Variants in GNB3 observed in about 807,000 individuals in gnomAD.
GNB3 encodes the protein G protein subunit beta 3, also known as guanine nucleotide-binding protein G(I)/G(S)/G(T) subunit beta-3.
Under a neutral mutation model 41.2 loss-of-function variants are expected in GNB3, and 33 were observed. The ratio of observed to expected loss-of-function variants is 0.80; its 90% confidence interval spans 0.61 to 1.07. The LOEUF (loss-of-function observed/expected upper bound fraction) is 1.07, where lower values mean the gene tolerates loss of function less well. GNB3 is among the 50% of genes least tolerant of loss of function. The pLI is 0.00. For synonymous variants in GNB3, 172 were observed against 173.4 expected, an observed-to-expected ratio of 0.99 and a Z score of 0.06; for missense variants, 409 against 455.3, an observed-to-expected ratio of 0.90 and a Z score of 0.92.
In GNB3 at chr12:6,843,677, C is replaced by T. The variant is rs1943619955; in HGVS notation, c.476C>T (p.Thr159Ile). The change falls in exon 7 of 10, where the codon ACC becomes ATC. Residue 159 changes from threonine to isoleucine, a missense_variant. By Grantham distance (89) the Thr-to-Ile change is moderately conservative (BLOSUM62 -1). Transcript: ENST00000229264. The surrounding 1 kb of genome is among the most constrained non-coding windows in gnomAD (Gnocchi z 5.9). ...TTCCTGGATGACAACAATATTGTGA[C>T]CAGCTCGGGGGACACCACGTGGTGA... ...CRFLDDNNIVTSSGDTTCALW... is the reference protein window; with the variant it reads ...CRFLDDNNIVISSGDTTCALW... 1.2e-6 allele frequency: 2 copies of T among 1,614,158 alleles called. No homozygotes were observed. Among genetic ancestry groups the T allele is most frequent in the Non-Finnish European group, 1.7e-6 (2 of 1,179,998 alleles).
At chr12:6,842,741 C>T (rs1943595795) in intron 3 of GNB3, among the ~76,000 whole-genome samples, 1 of 152,236 alleles carries the variant, frequency 6.6e-6, no homozygotes, top group South Asian at 2.1e-4. Context: ...TCCTCACCAA[C>T]ACTGGAGAGG....
chr12:6,841,617 T>A lies in GNB3; in HGVS notation c.89T>A (p.Leu30Gln), dbSNP rs1555123391. ...DARKACADVT[L>Q]AELVSGLEVV... ...AGGAAAGCCTGTGCTGACGTTACTC[T>A]GGCAGAGGTAAGACCCCCTGTCCCC... is the stretch of plus-strand genomic sequence containing the variant. The change falls in exon 3 of 10, where the codon CTG becomes CAG. Residue 30 changes from leucine to glutamine, a missense_variant. Leu to Gln is a moderately radical substitution (Grantham distance 113). Transcript: ENST00000229264. 1.2e-6 allele frequency: 2 copies of A among 1,613,116 alleles called. No homozygotes were observed. The highest frequency in any genetic ancestry group is 1.7e-5 in the Admixed American group (1 of 59,990).
chr12:6,841,621 A>G lies in GNB3; in HGVS notation c.93A>G (p.Ala31=). The change falls in exon 3 of 10, where the codon GCA becomes GCG. Residue 31 remains alanine (A), a synonymous_variant. Transcript: ENST00000229264. ...AAGCCTGTGCTGACGTTACTCTGGCAGAGGTAAGACCCCCTGTCCCCCGGA... is the reference window on the plus strand; with the variant it reads ...AAGCCTGTGCTGACGTTACTCTGGCGGAGGTAAGACCCCCTGTCCCCCGGA... ...ARKACADVTL[A]ELVSGLEVVG... is the part of the protein sequence containing the mutation. 1 of 1,612,724 alleles carries G rather than the reference A, an allele frequency of 6.2e-7. No homozygotes were observed. The highest frequency in any genetic ancestry group is 8.5e-7 in the Non-Finnish European group (1 of 1,179,070).
chr12:6,841,085 G>GGC (rs2137975635), intron 1 of GNB3, 52 bp downstream of exon 1: 1 of 579,386 alleles, frequency 1.7e-6, no homozygotes, highest in Non-Finnish European at 3.0e-6. Context: ...GCGCAGGCAG[G>GGC]GCTCAGGCAG....
rs782248470 is a variant in GNB3 at position 6,843,230 on chromosome 12, CCAA to C, written c.264_266del (p.Asn88del). 1 of 1,613,882 alleles carries C rather than the reference CCAA, an allele frequency of 6.2e-7. No individual in the cohort carries two copies. Among genetic ancestry groups the C allele is most frequent in the Non-Finnish European group, 8.5e-7 (1 of 1,179,772 alleles). On this transcript the variant is annotated inframe_deletion, in exon 5 of 10. Transcript: ENST00000229264. The surrounding 1 kb of genome is among the most constrained non-coding windows in gnomAD (Gnocchi z 5.9). Reference sequence around the variant, plus strand: ...CTGATCGTGTGGGACAGCTACACCACCAACAAGGTACCAGCCCTGCCTCCCTGA... The same window carrying C: ...CTGATCGTGTGGGACAGCTACACCACCAAGGTACCAGCCCTGCCTCCCTGA...
chr12:6,841,544 C>G, intron 2 of GNB3, 42 bp from the exon 3 acceptor site: 1 of 1,567,662 alleles, frequency 6.4e-7, no homozygotes, highest in Non-Finnish European at 8.7e-7. Context: ...ACCTGCCACC[C>G]CCACCTCGCC....
At chr12:6,844,351 C>T (rs1943641529) in intron 8 of GNB3, among the ~76,000 whole-genome samples, 1 of 152,010 alleles carries the variant, frequency 6.6e-6, no homozygotes, top group Non-Finnish European at 1.5e-5. Context: ...ATCCTCCCAC[C>T]TCAGCTTCCC....
chr12:6,842,046 G>A (rs782737321), intron 3 of GNB3: 8 of 345,154 alleles, frequency 2.3e-5, no homozygotes, highest in Middle Eastern at 9.9e-4. Context: ...AATTAGAATT[G>A]ACAGCATCTT....
In GNB3 at chr12:6,843,166, CT is replaced by C. The variant is rs1360252603; in HGVS notation, c.204-7del. ...AGGCTTGCATGATATGGGATGCCCTCTCCCCAGGCTGCTGGTAAGTGCCTCG... is the reference window on the plus strand; with the variant it reads ...AGGCTTGCATGATATGGGATGCCCTCCCCCAGGCTGCTGGTAAGTGCCTCG... On this transcript the variant is annotated splice_region_variant and splice_polypyrimidine_tract_variant and intron_variant, in intron 4 of 9. Transcript: ENST00000229264. The surrounding 1 kb of genome is among the most constrained non-coding windows in gnomAD (Gnocchi z 5.9). 5 of 1,613,320 alleles carry C rather than the reference CT, an allele frequency of 3.1e-6. No individual in the cohort carries two copies. The highest frequency in any genetic ancestry group is 4.2e-6 in the Non-Finnish European group (5 of 1,179,452).
chr12:6,843,744 C>G lies in GNB3; in HGVS notation c.498-33C>G. On this transcript the variant is annotated intron_variant, in intron 7 of 9. Transcript: ENST00000229264. This position sits in a 1 kb window ranked among gnomAD's most constrained non-coding sequence, Gnocchi z 5.9. ...TGCTGGGGCTTGGGAGTGGGCCCGG[C>G]CTTTCTCTAACAGTCTCCCTCCATT... 2 of 1,611,926 alleles carry G rather than the reference C, an allele frequency of 1.2e-6. No individual in the cohort carries two copies. The highest frequency in any genetic ancestry group is 1.7e-6 in the Non-Finnish European group (2 of 1,177,942).
intron 3 of GNB3, 67 bp from the exon 4 acceptor site, chr12:6,842,903 G>A (rs1226949334): frequency 3.9e-6 from 4 of 1,017,766 alleles, no homozygotes; most frequent in Non-Finnish European, 4.4e-6. Context: ...GTATAGATCA[G>A]TGGCAGTGAC....
At chr12:6,846,016 C>A in intron 9 of GNB3, 2 of 569,252 alleles carry the variant, frequency 3.5e-6, no homozygotes, top group Admixed American at 3.0e-5. Flanking sequence ...CTCCACTGCC[C>A]AATGCCATGA....
At chr12:6,841,539 C>T in intron 2 of GNB3, 47 bp from the exon 3 acceptor site, 2 of 1,542,538 alleles carry the variant, frequency 1.3e-6, no homozygotes, top group Admixed American at 1.7e-5. Context: ...CATGCACCTG[C>T]CACCCCCACC....
At chr12:6,845,452 A>G in intron 8 of GNB3, 134 bp from the exon 9 acceptor site, 2 of 650,224 alleles carry the variant, frequency 3.1e-6, no homozygotes, top group Non-Finnish European at 5.5e-6. Context: ...TCTCACCCCA[A>G]ACCAAGGGAG....
At position 6,843,207 on chromosome 12, in the gene GNB3, G is replaced by A; in HGVS notation, c.237G>A (p.Leu79=). 5 of 1,614,038 alleles carry A rather than the reference G, an allele frequency of 3.1e-6. No homozygotes were observed. The highest frequency in any genetic ancestry group is 4.2e-6 in the Non-Finnish European group (5 of 1,179,940). The stretch of plus-strand genomic sequence containing the variant: ...TAAGTGCCTCGCAAGATGGGAAGCT[G>A]ATCGTGTGGGACAGCTACACCACCA... ...LLVSASQDGK[L]IVWDSYTTNK... Residue 79 remains leucine (L), a synonymous_variant, in exon 5 of 10, where the codon CTG becomes CTA. Coordinates refer to ENST00000229264, the MANE Select transcript of GNB3 (RefSeq NM_002075.4). This position sits in a 1 kb window ranked among gnomAD's most constrained non-coding sequence, Gnocchi z 5.9.
chr12:6,846,701 C>CCCACA (rs1565521462), intron 9 of GNB3, 91 bp from the exon 10 acceptor site: 32 of 683,676 alleles, frequency 4.7e-5, no homozygotes, highest in Non-Finnish European at 7.9e-5. Flanking sequence ...ACACACACAC[C>CCCACA]CACACACCCA....
chr12:6,841,399 G>C, intron 2 of GNB3, 55 bp downstream of exon 2: 1 of 1,494,338 alleles, frequency 6.7e-7, no homozygotes, highest in South Asian at 1.2e-5. Flanking sequence ...GACATGAGGA[G>C]CGTGGCCCAG....
chr12:6,841,659 G>A (rs781801374), intron 3 of GNB3, 35 bp downstream of exon 3: 24 of 1,566,422 alleles, frequency 1.5e-5, no homozygotes, highest in Admixed American at 1.5e-4. Context: ...GCAGGGCATG[G>A]GGGGAGGGGA....
At chr12:6,841,167 T>G (rs2137975855) in intron 1 of GNB3, 91 bp from the exon 2 acceptor site, 1,963 of 692,552 alleles carry the variant, frequency 2.8e-3, no homozygotes, top group East Asian at 6.9e-3. Context: ...ACCCAGTCGT[T>G]TCCCTGTGTC....
Sources: gnomAD v4.1 joint callset for allele counts (sites outside exome capture counted in the v4.1 genomes callset) on GRCh38, gnomAD v4.1.1 for gene constraint, Gnocchi (gnomAD v3.1) non-coding constraint, MANE v1.5 for transcripts, NCBI Gene and HGNC (gene_info 2026-07-23, HGNC 2026-07-21) for gene names.